The following CALB2 variants were observed in gnomAD, a reference collection of about 807,000 sequenced individuals.
CALB2 encodes calretinin.
Under a neutral mutation model 45.9 loss-of-function variants are expected in CALB2, and 34 were observed. The ratio of observed to expected loss-of-function variants is 0.74; its 90% CI spans 0.56 to 0.99. The LOEUF is 0.99. CALB2 is among the 50% of genes least tolerant of loss of function. The pLI is 0.00. For missense variants in CALB2, 344 were observed against 339.3 expected, an observed-to-expected ratio of 1.01 and a Z score of -0.11; for synonymous variants, 142 against 129.6, an observed-to-expected ratio of 1.10 and a Z score of -0.65.
intron 8 of CALB2, among the ~76,000 whole-genome samples, 165 bp downstream of exon 8, chr16:71,384,543 AACAC>A (rs1474377071): frequency 2.4e-5 from 3 of 124,722 alleles, no homozygotes; most frequent in Admixed American, 8.2e-5. Flanking sequence ...ACACACACAA[AACAC>A]ACACAGACCA....
intron 10 of CALB2, among the ~76,000 whole-genome samples, chr16:71,389,112 C>T (rs1193678042): frequency 3.3e-5 from 5 of 151,844 alleles, no homozygotes; most frequent in African/African-American, 4.8e-5. Context: ...CGCTTGAACC[C>T]GGGAGGCAGA....
At chr16:71,383,904 T>C in intron 6 of CALB2, 66 bp from the exon 7 acceptor site, 1 of 1,561,308 alleles carries the variant, frequency 6.4e-7, no homozygotes, top group Non-Finnish European at 8.8e-7. Context: ...TCCTCTCCAG[T>C]AAAAGGGGAT....
At chr16:71,360,491 C>T (rs1185784342) in intron 1 of CALB2, among the ~76,000 whole-genome samples, 4 of 152,168 alleles carry the variant, frequency 2.6e-5, no homozygotes, top group Non-Finnish European at 5.9e-5. Flanking sequence ...GAAGTGCAGC[C>T]TTTTAGTATT....
At chr16:71,384,951 G>A (rs1933485590) in intron 9 of CALB2, 115 bp downstream of exon 9, 1 of 840,678 alleles carries the variant, frequency 1.2e-6, no homozygotes. Context: ...GGGCCGTGTG[G>A]TTTCTTCCTG....
At chr16:71,370,730 CA>C (rs1049605053) in intron 1 of CALB2, among the ~76,000 whole-genome samples, 1 of 151,540 alleles carries the variant, frequency 6.6e-6, no homozygotes, top group Non-Finnish European at 1.5e-5. Context: ...GACCCTGTCT[CA>C]AAAAAAAGGA....
At chr16:71,360,957 C>T (rs1234330636) in intron 1 of CALB2, among the ~76,000 whole-genome samples, 1 of 152,158 alleles carries the variant, frequency 6.6e-6, no homozygotes, top group East Asian at 1.9e-4. Flanking sequence ...AGTCTCCCTC[C>T]CATTCCCCCA....
chr16:71,371,863 A>C (rs1255217266), intron 1 of CALB2, among the ~76,000 whole-genome samples: 1 of 152,136 alleles, frequency 6.6e-6, no homozygotes, highest in Non-Finnish European at 1.5e-5. Context: ...GTGCTTGCCC[A>C]GACATTAAGG....
intron 4 of CALB2, among the ~76,000 whole-genome samples, chr16:71,378,606 T>A (rs2042445199): frequency 6.6e-6 from 1 of 152,162 alleles, no homozygotes; most frequent in Admixed American, 6.5e-5. Context: ...AAGCTCCATT[T>A]TAACAAGATC....
At chr16:71,363,559 A>G (rs2042254167) in intron 1 of CALB2, among the ~76,000 whole-genome samples, 1 of 152,170 alleles carries the variant, frequency 6.6e-6, no homozygotes, top group Admixed American at 6.5e-5. Flanking sequence ...GTGCCCAGGC[A>G]GGCTCTTCCA....
intron 10 of CALB2, among the ~76,000 whole-genome samples, chr16:71,388,805 A>C (rs1485135818): frequency 6.7e-6 from 1 of 148,476 alleles, no homozygotes; most frequent in Non-Finnish European, 1.5e-5. Flanking sequence ...ACATGGTGAA[A>C]CCCCCGTCTC....
chr16:71,380,962 C>G (rs2042484182), intron 4 of CALB2, among the ~76,000 whole-genome samples: 1 of 152,162 alleles, frequency 6.6e-6, no homozygotes. Context: ...AGCACAAGTG[C>G]TGGATGGGGA....
chr16:71,369,583 C>T (rs1175127167), intron 1 of CALB2, among the ~76,000 whole-genome samples: 12 of 152,206 alleles, frequency 7.9e-5, no homozygotes, highest in Admixed American at 7.9e-4. Context: ...CCGATACACT[C>T]ATGAAACATA....
chr16:71,384,448 C>G (rs1393779979), intron 8 of CALB2, 70 bp downstream of exon 8: 1 of 1,221,216 alleles, frequency 8.2e-7, no homozygotes, highest in Non-Finnish European at 1.2e-6. Flanking sequence ...CCTCCTTCCC[C>G]CAACGCACCA....
chr16:71,384,005 G>T lies in CALB2; in HGVS notation c.513G>T (p.Leu171Phe). 1 of 1,613,764 alleles carries T rather than the reference G, an allele frequency of 6.2e-7. No homozygotes were observed. The highest frequency in any genetic ancestry group is 1.7e-5 in the Admixed American group (1 of 59,980). Residue 171 changes from leucine to phenylalanine, a missense_variant, in exon 7 of 11, where the codon TTG becomes TTT. Transcript: ENST00000302628. Reference protein sequence around the residue: ...RMFDLNGDGKLGLSEMSRLLP... With the variant: ...RMFDLNGDGKFGLSEMSRLLP... Reference sequence around the variant, plus strand: ...TTGACTTGAACGGGGATGGCAAATTGGGCCTCTCAGAGATGTCCCGGTAAG... The same window carrying T: ...TTGACTTGAACGGGGATGGCAAATTTGGCCTCTCAGAGATGTCCCGGTAAG...
chr16:71,361,611 G>A (rs753894817), intron 1 of CALB2, among the ~76,000 whole-genome samples: 9 of 152,170 alleles, frequency 5.9e-5, no homozygotes, highest in Non-Finnish European at 1.2e-4. Flanking sequence ...GAGAGTTGGA[G>A]CCACCTCCCC....
At chr16:71,359,298 C>A (rs1040921166) in intron 1 of CALB2, among the ~76,000 whole-genome samples, 2 of 152,190 alleles carry the variant, frequency 1.3e-5, no homozygotes, top group African/African-American at 4.8e-5. Context: ...GGTTAGCCCC[C>A]TTACCCTGCT....
intron 4 of CALB2, among the ~76,000 whole-genome samples, chr16:71,381,200 C>A (rs567117687): frequency 6.6e-6 from 1 of 152,156 alleles, no homozygotes; most frequent in East Asian, 1.9e-4. Context: ...TAAGTGCCTG[C>A]GAGTTGTTGG....
At position 71,368,851 on chromosome 16, in the gene CALB2, C is replaced by T. The variant is rs73571841; in HGVS notation, c.95-3302C>T. On this transcript the variant is annotated intron_variant, in intron 1 of 10. Transcript: ENST00000302628. ...ACATTCCACTGACCTTCAGCACTTTCCTGCTGGGCGAGGCACTGGATGATT... is the reference window on the plus strand; with the variant it reads ...ACATTCCACTGACCTTCAGCACTTTTCTGCTGGGCGAGGCACTGGATGATT... Among the ~76,000 whole-genome samples, 422 of 152,294 alleles carry T rather than the reference C, an allele frequency of 2.8e-3. 1 individual carries two copies. The highest frequency in any genetic ancestry group is 9.0e-3 in the African/African-American group (373 of 41,552).
intron 10 of CALB2, among the ~76,000 whole-genome samples, chr16:71,387,384 G>A (rs2145006189): frequency 6.6e-6 from 1 of 152,128 alleles, no homozygotes; most frequent in Non-Finnish European, 1.5e-5. Flanking sequence ...TGGCGCCTGA[G>A]GATTGAGAGA....
Sources: gnomAD v4.1 joint callset for allele counts (sites outside exome capture counted in the v4.1 genomes callset) on GRCh38, gnomAD v4.1.1 for gene constraint, MANE v1.5 for transcripts, NCBI Gene and HGNC (gene_info 2026-07-23, HGNC 2026-07-21) for gene names.